Variants in SETD9 observed in about 807,000 individuals in gnomAD.
SETD9 encodes SET domain-containing protein 9.
Under a neutral mutation model 36.4 loss-of-function variants are expected in SETD9, and 37 were observed. That is an observed-to-expected ratio of 1.02 (90% CI 0.78 to 1.34). The LOEUF (loss-of-function observed/expected upper bound fraction) is 1.34, where lower values mean the gene tolerates loss of function less well. Ranked by LOEUF, SETD9 falls within the 40% of genes most tolerant of loss-of-function variation. The pLI, the probability that SETD9 is intolerant of heterozygous loss-of-function variation, is 0.00. For synonymous variants in SETD9, 128 were observed against 132.9 expected, an observed-to-expected ratio of 0.96 and a Z score of 0.26; for missense variants, 323 against 353.2, an observed-to-expected ratio of 0.91 and a Z score of 0.69.
chr5:56,913,136 T>TA lies in SETD9; in HGVS notation c.590+4dup, dbSNP rs967868827. Reference sequence around the variant, plus strand: ...AGGGATATCAAAAGTTGTGTACAGGTAAGTGATGCCCATGTTCAAATTTAA... The same window carrying TA: ...AGGGATATCAAAAGTTGTGTACAGGTAAAGTGATGCCCATGTTCAAATTTAA... On this transcript the variant is annotated splice_region_variant and intron_variant, in intron 3 of 5. Coordinates refer to ENST00000285947, the MANE Select transcript of SETD9 (RefSeq NM_153706.4). 6.2e-7 allele frequency: 1 copy of TA among 1,613,584 alleles called. No individual in the cohort carries two copies. Among genetic ancestry groups the TA allele is most frequent in the African/African-American group, 1.3e-5 (1 of 74,914 alleles).
At chr5:56,916,402 A>G (rs906027866) in intron 5 of SETD9, among the ~76,000 whole-genome samples, 27 of 152,328 alleles carry the variant, frequency 1.8e-4, no homozygotes, top group African/African-American at 6.5e-4. Flanking sequence ...AAAAAAAACA[A>G]ACAATATTTT....
chr5:56,917,671 CAGAAAG>C (rs1749489739), downstream of SETD9, among the ~76,000 whole-genome samples: 1 of 152,180 alleles, frequency 6.6e-6, no homozygotes, highest in Non-Finnish European at 1.5e-5. Context: ...TGGCTGCCAG[CAGAAAG>C]AATGTGTCCT....
At chr5:56,918,798 A>G (rs1255023132), downstream of SETD9, among the ~76,000 whole-genome samples, 1 of 152,202 alleles carries the variant, frequency 6.6e-6, no homozygotes, top group Non-Finnish European at 1.5e-5. Flanking sequence ...ATTATGGGCA[A>G]GCTGATCACT....
At chr5:56,923,811 C>T (rs1393589915) in intron 5 of SETD9, 1 of 1,614,168 alleles carries the variant, frequency 6.2e-7, no homozygotes, top group Non-Finnish European at 8.5e-7. Context: ...TCTGTTTCAT[C>T]TACTAAACGA....
rs979805412 is a variant in SETD9 at position 56,909,616 on chromosome 5, C to T, written c.-30C>T. The T allele has an allele frequency of 8.9e-6, 14 of 1,572,410 alleles. No homozygotes were observed. Among genetic ancestry groups the T allele is most frequent in the Admixed American group, 1.8e-5 (1 of 56,300 alleles). On this transcript the variant is annotated 5_prime_UTR_variant, in exon 1 of 6. Transcript: ENST00000285947. ...GAGGCCTCGATCCGCCTTCCCCGCG[C>T]CGTCCTGGTCACGGCCCCGCGGGGC...
At chr5:56,923,871 TAC>T in intron 5 of SETD9, 2 of 1,614,016 alleles carry the variant, frequency 1.2e-6, no homozygotes, top group Non-Finnish European at 1.7e-6. Flanking sequence ...GACTATATAT[TAC>T]AGTTAAAAGT....
chr5:56,921,862 A>G (rs1017587713), downstream of SETD9: 4 of 152,638 alleles, frequency 2.6e-5, no homozygotes, highest in South Asian at 2.1e-4. Context: ...GATTCACCTT[A>G]TAACTTAAAA....
downstream of SETD9, among the ~76,000 whole-genome samples, chr5:56,917,680 TG>T (rs1300373389): frequency 1.3e-5 from 2 of 152,320 alleles, no homozygotes; most frequent in East Asian, 3.9e-4. Context: ...GCAGAAAGAA[TG>T]TGTCCTGGCA....
At position 56,913,022 on chromosome 5, in the gene SETD9, C is replaced by G; in HGVS notation, c.478C>G (p.Gln160Glu). 1 of 1,613,732 alleles carries G rather than the reference C, an allele frequency of 6.2e-7. No homozygotes were observed. Among genetic ancestry groups the G allele is most frequent in the Non-Finnish European group, 8.5e-7 (1 of 1,179,774 alleles). Residue 160 changes from glutamine (Q) to glutamate (E), a missense_variant, in exon 3 of 6, where the codon CAG (glutamine) becomes GAG (glutamate). Coordinates refer to ENST00000285947, the MANE Select transcript of SETD9 (RefSeq NM_153706.4). ...VVSMYPGTVYQKYEPIFFQSI... is the reference protein window; with the variant it reads ...VVSMYPGTVYEKYEPIFFQSI... ...TTGTTGTGTAATAGGTACAGTATAT[C>G]AGAAGTATGAGCCGATCTTTTTCCA...
chr5:56,915,106 T>A, intron 5 of SETD9, 140 bp downstream of exon 5: 1 of 448,680 alleles, frequency 2.2e-6, no homozygotes, highest in Non-Finnish European at 3.9e-6. Flanking sequence ...GTTCACACCT[T>A]AACGTGTTAA....
At chr5:56,926,862 T>C (rs561829163), downstream of SETD9, among the ~76,000 whole-genome samples, 3 of 150,792 alleles carry the variant, frequency 2.0e-5, no homozygotes, top group South Asian at 4.2e-4. Context: ...GGTACATCCA[T>C]ATAATGGAAT....
At position 56,914,943 on chromosome 5, in the gene SETD9, T is replaced by C; in HGVS notation, c.789T>C (p.Ile263=). ...PIELKQYLPN[I]AYSYDKQSPL... is the part of the protein sequence containing the mutation. ...AACTGAAGCAGTATCTTCCAAACAT[T>C]GCCTACAGCTATGACAAACAAAGGT... The change falls in exon 5 of 6, where the codon ATT becomes ATC. Residue 263 remains isoleucine, a synonymous_variant. Coordinates refer to ENST00000285947, the MANE Select transcript of SETD9 (RefSeq NM_153706.4). 2 of 1,593,940 alleles carry C rather than the reference T, an allele frequency of 1.3e-6. No homozygotes were observed. The highest frequency in any genetic ancestry group is 1.7e-6 in the Non-Finnish European group (2 of 1,166,454).
downstream of SETD9, among the ~76,000 whole-genome samples, chr5:56,926,457 A>C (rs1037063606): frequency 6.6e-5 from 10 of 152,162 alleles, no homozygotes; most frequent in Admixed American, 4.6e-4. Flanking sequence ...TGAAAAAAAA[A>C]CACACAAATG....
chr5:56,912,079 C>T (rs575086565), intron 2 of SETD9: 16 of 520,678 alleles, frequency 3.1e-5, no homozygotes, highest in Middle Eastern at 9.5e-4. Context: ...GGCGTGAACC[C>T]GGGAGGCGGA....
chr5:56,927,807 T>C (rs941781834), downstream of SETD9: 1 of 152,224 alleles, frequency 6.6e-6, no homozygotes, highest in East Asian at 1.9e-4. Flanking sequence ...CATGTCTCTA[T>C]CATTACAGTA....
chr5:56,916,568 A>G (rs1480307865), intron 5 of SETD9, among the ~76,000 whole-genome samples: 2 of 152,224 alleles, frequency 1.3e-5, no homozygotes, highest in Admixed American at 1.3e-4. Context: ...TAAACTTAGA[A>G]ACAATGTTTT....
intron 5 of SETD9, among the ~76,000 whole-genome samples, chr5:56,924,969 G>T (rs1189976459): frequency 2.0e-5 from 3 of 152,174 alleles, no homozygotes; most frequent in South Asian, 2.1e-4. Flanking sequence ...GAGAATGCAG[G>T]CTTCGTGGGG....
chr5:56,928,875 T>A (rs747978329), downstream of SETD9: 2 of 1,604,564 alleles, frequency 1.2e-6, no homozygotes, highest in Non-Finnish European at 1.7e-6. Context: ...AGAAAAATTT[T>A]AAAATAAAAT....
chr5:56,910,202 C>T, intron 1 of SETD9: 1 of 1,260,402 alleles, frequency 7.9e-7, no homozygotes, highest in Non-Finnish European at 1.0e-6. Context: ...GCTTTTTCTC[C>T]ACCAGGGGTT....
Sources: gnomAD v4.1 joint callset for allele counts (sites outside exome capture counted in the v4.1 genomes callset) on GRCh38, gnomAD v4.1.1 for gene constraint, MANE v1.5 for transcripts, NCBI Gene and HGNC (gene_info 2026-07-23, HGNC 2026-07-21) for gene names.